The following FBXO34 variants were observed in gnomAD, a reference collection of about 807,000 sequenced individuals.
The protein encoded by FBXO34 is F-box only protein 34.
FBXO34 carries 12 observed loss-of-function variants against 24.5 expected under a neutral mutation model. The observed-to-expected ratio is 0.49, with a 90% CI of 0.31 to 0.79. The LOEUF (loss-of-function observed/expected upper bound fraction) is 0.79, where lower values mean the gene tolerates loss of function less well. Ranked by LOEUF, FBXO34 falls within the 30% of genes least tolerant of loss-of-function variation. FBXO34 has a pLI of 0.04. For missense variants in FBXO34, 823 were observed against 857.7 expected, an observed-to-expected ratio of 0.96 and a Z score of 0.51; for synonymous variants, 320 against 311.9, an observed-to-expected ratio of 1.03 and a Z score of -0.27.
At chr14:55,282,100 G>A (rs1250020444) in intron 1 of FBXO34, among the ~76,000 whole-genome samples, 1 of 142,902 alleles carries the variant, frequency 7.0e-6, no homozygotes, top group Non-Finnish European at 1.5e-5. Flanking sequence ...GGGTTCAAGC[G>A]ATTCCCCTGC....
intron 1 of FBXO34, among the ~76,000 whole-genome samples, chr14:55,305,441 G>A (rs1342781345): frequency 2.6e-5 from 4 of 151,434 alleles, no homozygotes; most frequent in East Asian, 3.9e-4. Context: ...GTCTTAGTCC[G>A]GGTGCGGTGC....
the FBXO34 span, chr14:55,433,553 G>C: frequency 7.3e-7 from 1 of 1,377,400 alleles, no homozygotes; most frequent in African/African-American, 1.4e-5. Flanking sequence ...ATGTGCTTTA[G>C]CACATTAATT....
Position 55,274,693 on chromosome 14 carries a change from A to C in FBXO34, c.-11+3156A>C, listed in dbSNP as rs748426577. Among the ~76,000 whole-genome samples, 28 of 152,222 alleles carry C rather than the reference A, an allele frequency of 1.8e-4. 1 individual carries two copies. The highest frequency in any genetic ancestry group is 5.9e-4 in the Admixed American group (9 of 15,280). ...AACATTTAGAATTTAAATTCTTAAA[A>C]ATTTTTACTTTATTTTTTAAACTTA... On this transcript the variant is annotated intron_variant, in intron 1 of 1. Transcript: ENST00000313833.
intron 1 of FBXO34, among the ~76,000 whole-genome samples, chr14:55,345,967 C>T (rs1018504047): frequency 6.6e-6 from 1 of 152,136 alleles, no homozygotes; most frequent in East Asian, 1.9e-4. Flanking sequence ...GATCACGCCA[C>T]TCACTGTAGC....
Position 55,352,000 on chromosome 14 carries a change from C to G in FBXO34, c.1610C>G (p.Ser537Cys). The change falls in exon 2 of 2, where the codon TCT (serine) becomes TGT (cysteine). Residue 537 changes from serine to cysteine, a missense_variant. Ser to Cys is a moderately radical substitution (Grantham distance 112). Around this residue, in one of 2 missense-constraint regions of FBXO34, gnomAD observed 693 missense variants for 659.1 expected, o/e 1.05. Coordinates refer to ENST00000313833, the MANE Select transcript of FBXO34 (RefSeq NM_017943.4). The part of the protein sequence containing the change: ...SAEPFVLPAS[S>C]VESTLPVLEA... ...GAGCCATTTGTACTGCCAGCCTCTTCTGTGGAAAGTACATTACCAGTGCTT... is the reference window on the plus strand; with the variant it reads ...GAGCCATTTGTACTGCCAGCCTCTTGTGTGGAAAGTACATTACCAGTGCTT... The G allele has an allele frequency of 6.2e-7, 1 of 1,614,198 alleles. No individual in the cohort carries two copies. The highest frequency in any genetic ancestry group is 8.5e-7 in the Non-Finnish European group (1 of 1,180,040).
At chr14:55,323,536 C>T (rs756460685) in intron 1 of FBXO34, among the ~76,000 whole-genome samples, 1 of 151,720 alleles carries the variant, frequency 6.6e-6, no homozygotes, top group African/African-American at 2.4e-5. Flanking sequence ...GCACGTGCCA[C>T]CACGTCCAGC....
chr14:55,397,505 C>G, the FBXO34 span: 2 of 1,203,664 alleles, frequency 1.7e-6, no homozygotes, highest in Non-Finnish European at 1.2e-6. Flanking sequence ...TGCAAATTCC[C>G]AAGAACCAAT....
intron 1 of FBXO34, among the ~76,000 whole-genome samples, chr14:55,288,389 T>A (rs1029174469): frequency 6.6e-6 from 1 of 152,112 alleles, no homozygotes; most frequent in Non-Finnish European, 1.5e-5. Context: ...TGGGAAAAAA[T>A]AGTCCAAGAC....
At chr14:55,369,633 T>C (rs375326394), downstream of FBXO34, 65 of 1,528,634 alleles carry the variant, frequency 4.3e-5, no homozygotes, top group African/African-American at 5.5e-5. Context: ...CGGTGTCCAG[T>C]GTAAGCTTTA....
At chr14:55,355,675 A>G (rs1220126929), downstream of FBXO34, among the ~76,000 whole-genome samples, 4 of 152,224 alleles carry the variant, frequency 2.6e-5, no homozygotes, top group Non-Finnish European at 4.4e-5. Flanking sequence ...GCCATTTTCC[A>G]TCAGAGACTT....
chr14:55,334,308 G>A (rs8007038), intron 1 of FBXO34, among the ~76,000 whole-genome samples: 15,366 of 152,230 alleles, frequency 0.1, 2,134 homozygotes, highest in African/African-American at 0.31. Context: ...TTGCTGACTG[G>A]CTGGTTTAAG....
At chr14:55,322,205 G>C (rs979205301) in intron 1 of FBXO34, among the ~76,000 whole-genome samples, 21 of 151,638 alleles carry the variant, frequency 1.4e-4, no homozygotes, top group Admixed American at 3.9e-4. Flanking sequence ...AGCTACTTAG[G>C]AGGCTGAGGC....
rs551024478 is a variant in FBXO34 at position 55,274,105 on chromosome 14, G to C, written c.-11+2568G>C. On this transcript the variant is annotated intron_variant, in intron 1 of 1. Coordinates refer to ENST00000313833, the MANE Select transcript of FBXO34 (RefSeq NM_017943.4). ...AGGTGTGAGCCACCGTTCTCGGCCA[G>C]GTGTGCTAGTATTAATGGGAAAGGA... Among the ~76,000 whole-genome samples the C allele has an allele frequency of 9.2e-4, 140 of 152,222 alleles. 4 individuals are homozygous for C. The South Asian group carries it at 0.027, about 30-fold the overall frequency.
the FBXO34 span, among the ~76,000 whole-genome samples, chr14:55,406,010 T>C: frequency 6.6e-6 from 1 of 152,108 alleles, no homozygotes; most frequent in Non-Finnish European, 1.5e-5. Context: ...TGTAGGGAAG[T>C]CTTCCCATCG....
intron 1 of FBXO34, among the ~76,000 whole-genome samples, chr14:55,308,389 A>G (rs2139735349): frequency 6.6e-6 from 1 of 152,366 alleles, no homozygotes; most frequent in Admixed American, 6.5e-5. Flanking sequence ...AGGAAAAAGA[A>G]TAACTTGTCC....
At chr14:55,405,577 C>T in the FBXO34 span, among the ~76,000 whole-genome samples, 1 of 152,270 alleles carries the variant, frequency 6.6e-6, no homozygotes, top group East Asian at 1.9e-4. Context: ...ATTCTCAGTC[C>T]CATTCCCCCA....
the FBXO34 span, chr14:55,428,698 C>CTT: frequency 2.2e-4 from 211 of 974,954 alleles, no homozygotes; most frequent in Non-Finnish European, 2.3e-4. Flanking sequence ...TGTCCCCCGC[C>CTT]TTTTTTTTTT....
chr14:55,415,650 A>AG, the FBXO34 span, among the ~76,000 whole-genome samples: 4 of 152,148 alleles, frequency 2.6e-5, no homozygotes, highest in Non-Finnish European at 5.9e-5. Flanking sequence ...GGATCACCTG[A>AG]GGTCAGGAGT....
intron 1 of FBXO34, among the ~76,000 whole-genome samples, chr14:55,334,216 G>A (rs1266929793): frequency 1.3e-5 from 2 of 152,156 alleles, no homozygotes; most frequent in Non-Finnish European, 2.9e-5. Context: ...CGCTAATCAG[G>A]TGGAGCTGCT....
Sources: allele counts gnomAD v4.1 joint callset (sites outside exome capture counted in the v4.1 genomes callset), GRCh38; gene constraint gnomAD v4.1.1; regional missense constraint gnomAD v4.1.1; transcripts MANE v1.5; gene names NCBI Gene and HGNC (gene_info 2026-07-23, HGNC 2026-07-21).